PIN4: variants seen among roughly 807,000 people sequenced by gnomAD.
PIN4 encodes the protein peptidylprolyl cis/trans isomerase, NIMA-interacting 4.
In PIN4, 3 loss-of-function variants were observed where a neutral mutation model predicts 8.3. The ratio of observed to expected loss-of-function variants is 0.36; its 90% CI spans 0.16 to 0.93. PIN4 has a LOEUF of 0.93. Among genes scored for constraint, PIN4 ranks in the 40% least tolerant of loss-of-function variants. The pLI is 0.44. For synonymous variants in PIN4, 18 were observed against 32.5 expected (o/e 0.55, Z 1.52); for missense variants, 75 against 100.6 (o/e 0.75, Z 1.09).
intron 3 of PIN4, among the ~76,000 whole-genome samples, chrX:72,236,343 G>T (rs140818434): frequency 0.035 from 3,861 of 110,775 alleles, 190 homozygotes; most frequent in African/African-American, 0.12. Flanking sequence ...CTGTTGCCCA[G>T]GCTGGAGTGC....
intron 3 of PIN4, among the ~76,000 whole-genome samples, chrX:72,255,274 A>AATAATAATC: frequency 2.5e-5 from 1 of 40,226 alleles, no homozygotes; most frequent in South Asian, 2.1e-3. Context: ...CATCTCTAAA[A>AATAATAATC]ATAATAATAA....
chrX:72,197,520 AAAAT>A lies in PIN4; in HGVS notation c.394_*1del. 8.4e-7 allele frequency: 1 copy of A among 1,196,887 alleles called. No individual in the cohort carries two copies. The highest frequency in any genetic ancestry group is 1.1e-6 in the Non-Finnish European group (1 of 882,510). ...ATCATATTATTATGGTCGAAGGAAG[AAAAT>A]AAAATCATATGAAAGACTGAATAAG... On this transcript the variant is annotated frameshift_variant and stop_lost, in exon 4 of 4. Transcript: ENST00000373669. LOFTEE classifies it high-confidence loss of function.
intron 3 of PIN4, among the ~76,000 whole-genome samples, chrX:72,242,502 G>C (rs2043052804): frequency 8.9e-6 from 1 of 112,324 alleles, no homozygotes; most frequent in Admixed American, 9.4e-5. Flanking sequence ...GGTCACCCAG[G>C]CTCACAGCCT....
chrX:72,262,880 C>A, exon 4 of PIN4: 1 of 540,383 alleles, frequency 1.9e-6, no homozygotes, highest in Non-Finnish European at 3.0e-6. Context: ...CATTTTCTGA[C>A]TTTGTCCCCT....
rs1163523336 is a variant in PIN4, at chrX:72,198,027, C to T, written c.*501C>T. 1 of 736,399 alleles carries T rather than the reference C, an allele frequency of 1.4e-6. No homozygotes were observed. The highest frequency in any genetic ancestry group is 1.5e-4 in the East Asian group (1 of 6,561). 60.7% of individuals were successfully genotyped at this position (736,399 alleles called of 1,213,427 possible). On this transcript the variant is annotated 3_prime_UTR_variant, in exon 4 of 4. Coordinates refer to ENST00000373669, the MANE Select transcript of PIN4 (RefSeq NM_006223.4). Reference sequence around the variant, plus strand: ...TCCACTGTCTTAACATAGTACGTGGCACGTTATGCCTTTCAGTGTTAACTC... The same window carrying T: ...TCCACTGTCTTAACATAGTACGTGGTACGTTATGCCTTTCAGTGTTAACTC...
At chrX:72,232,042 G>A (rs947324728) in intron 3 of PIN4, among the ~76,000 whole-genome samples, 4 of 109,260 alleles carry the variant, frequency 3.7e-5, no homozygotes, top group Non-Finnish European at 5.7e-5. Flanking sequence ...TGGCGCCACT[G>A]CACTCCAGCC....
intron 1 of PIN4, among the ~76,000 whole-genome samples, chrX:72,185,227 A>G (rs995284143): frequency 4.6e-5 from 5 of 109,324 alleles, no homozygotes; most frequent in Non-Finnish European, 9.5e-5. Context: ...AATGGGGCCA[A>G]AAGGCCTCAA....
intron 2 of PIN4, among the ~76,000 whole-genome samples, chrX:72,193,472 A>G (rs1035465875): frequency 1.8e-5 from 2 of 111,122 alleles, no homozygotes; most frequent in African/African-American, 6.6e-5. Flanking sequence ...AAACAGTGAT[A>G]TTGATGATCC....
intron 3 of PIN4, among the ~76,000 whole-genome samples, chrX:72,222,231 C>T (rs1030574999): frequency 4.5e-5 from 5 of 112,282 alleles, no homozygotes; most frequent in African/African-American, 1.6e-4. Context: ...GGATCCTTCT[C>T]TGACAATCCC....
At chrX:72,207,012 G>A in intron 3 of PIN4, 4 of 1,211,458 alleles carry the variant, frequency 3.3e-6, no homozygotes, top group Non-Finnish European at 3.4e-6. Flanking sequence ...TCCCACAAGT[G>A]ATTAGCCTAT....
intron 3 of PIN4, chrX:72,238,961 G>A: frequency 1.0e-6 from 1 of 995,193 alleles, no homozygotes; most frequent in Admixed American, 2.6e-5. Flanking sequence ...GGAGCTTGGA[G>A]CTTGGAGCTT....
intron 3 of PIN4, among the ~76,000 whole-genome samples, chrX:72,253,383 T>C (rs2043095532): frequency 8.9e-6 from 1 of 112,122 alleles, no homozygotes; most frequent in Non-Finnish European, 1.9e-5. Context: ...CCCAGCACTT[T>C]GGGAGGCTGA....
chrX:72,215,190 A>G (rs937478298), intron 3 of PIN4, among the ~76,000 whole-genome samples: 1 of 111,860 alleles, frequency 8.9e-6, no homozygotes, highest in African/African-American at 3.2e-5. Context: ...AAACTAACAT[A>G]TGGTGGAAAA....
chrX:72,261,797 TATG>T (rs72061787), intron 3 of PIN4, among the ~76,000 whole-genome samples: 8,058 of 111,748 alleles, frequency 0.072, 481 homozygotes, highest in East Asian at 0.47. Flanking sequence ...ATTGTGAGGT[TATG>T]ATGATATTAA....
intron 3 of PIN4, among the ~76,000 whole-genome samples, chrX:72,228,047 C>G (rs2042963213): frequency 8.9e-6 from 1 of 112,183 alleles, no homozygotes; most frequent in Non-Finnish European, 1.9e-5. Flanking sequence ...TTCCTCCTTC[C>G]TTTGTTCTCC....
intron 3 of PIN4, chrX:72,238,802 G>C: frequency 8.7e-7 from 1 of 1,143,181 alleles, no homozygotes; most frequent in African/African-American, 1.8e-5. Flanking sequence ...TCCACCCTGG[G>C]CCAGGTCGGT....
At chrX:72,196,926 T>C (rs1179885094) in intron 3 of PIN4, 22 bp downstream of exon 3, 8 of 1,134,387 alleles carry the variant, frequency 7.1e-6, no homozygotes, top group South Asian at 6.7e-5. Flanking sequence ...TTATTATTTA[T>C]AATTTTCTCT....
chrX:72,257,138 G>T (rs2043114746), intron 3 of PIN4, among the ~76,000 whole-genome samples: 1 of 111,030 alleles, frequency 9.0e-6, no homozygotes, highest in Non-Finnish European at 1.9e-5. Flanking sequence ...GGCTAACACG[G>T]TGAAACCCCG....
At chrX:72,254,328 T>A (rs961970644) in intron 3 of PIN4, among the ~76,000 whole-genome samples, 4 of 111,688 alleles carry the variant, frequency 3.6e-5, no homozygotes, top group African/African-American at 1.3e-4. Flanking sequence ...AAATCAGCCA[T>A]CTCTCCTGAG....
Sources: allele counts gnomAD v4.1 joint callset (sites outside exome capture counted in the v4.1 genomes callset), GRCh38; gene constraint gnomAD v4.1.1; transcripts MANE v1.5; gene names NCBI Gene and HGNC (gene_info 2026-07-23, HGNC 2026-07-21).